Variants in RNF13 observed in about 807,000 individuals in gnomAD.
The protein encoded by RNF13 is ring finger protein 13.
Under a neutral mutation model 37.7 loss-of-function variants are expected in RNF13, and 19 were observed. That is an observed-to-expected ratio of 0.50 (90% confidence interval 0.35 to 0.74). The LOEUF (loss-of-function observed/expected upper bound fraction) is 0.74, where lower values mean the gene tolerates loss of function less well. Among genes scored for constraint, RNF13 ranks in the 30% least tolerant of loss-of-function variants. The pLI is 0.01. For synonymous variants in RNF13, 144 were observed against 157.8 expected (o/e 0.91, Z 0.65); for missense variants, 375 against 453.0 (o/e 0.83, Z 1.56).
intron 2 of RNF13, among the ~76,000 whole-genome samples, chr3:149,848,667 A>T (rs891589526): frequency 3.3e-5 from 5 of 152,140 alleles, no homozygotes; most frequent in African/African-American, 1.2e-4. Flanking sequence ...AGTTTTAGTT[A>T]TGCTATTTGT....
In RNF13 at chr3:149,869,621, T is replaced by C. The variant is rs1711779092; in HGVS notation, c.196-2408T>C. Among the ~76,000 whole-genome samples, 16 of 151,532 alleles carry C rather than the reference T, an allele frequency of 1.1e-4. No individual in the cohort carries two copies. The South Asian group carries it at 3.3e-3, about 32-fold the overall frequency. Reference sequence around the variant, plus strand: ...ACTCCGCCTCAGAAAAAAAAAAAAGTTCACATATTGCCATCTTGTTAGGGT... The same window carrying C: ...ACTCCGCCTCAGAAAAAAAAAAAAGCTCACATATTGCCATCTTGTTAGGGT... On this transcript the variant is annotated intron_variant, in intron 3 of 9. Transcript: ENST00000392894.
intron 1 of RNF13, among the ~76,000 whole-genome samples, chr3:149,814,821 A>T (rs997924361): frequency 6.6e-6 from 1 of 152,204 alleles, no homozygotes. Context: ...TGTTATGAGG[A>T]TTAAATGAAA....
chr3:149,960,139 ATGAG>A lies in RNF13; in HGVS notation c.781+5_781+8del. 6.3e-7 allele frequency: 1 copy of A among 1,575,700 alleles called. No homozygotes were observed. The highest frequency in any genetic ancestry group is 8.7e-7 in the Non-Finnish European group (1 of 1,145,474). On this transcript the variant is annotated splice_donor_5th_base_variant and intron_variant, in intron 9 of 9. Coordinates refer to ENST00000392894, the MANE Select transcript of RNF13 (RefSeq NM_183381.3). ...CAGAATCCTTCCCTGTTCCCATGGT[ATGAG>A]TAATTACGTACTGCTTTGAATTTAC...
At chr3:149,911,892 T>A in intron 6 of RNF13, 86 bp from the exon 7 acceptor site, 1 of 759,990 alleles carries the variant, frequency 1.3e-6, no homozygotes, top group Non-Finnish European at 2.3e-6. Context: ...TATGTCTGTT[T>A]TTAAAAATAT....
At position 149,961,130 on chromosome 3, in the gene RNF13, C is replaced by A. The variant is rs1193335323; in HGVS notation, c.*26C>A. 2 of 1,564,836 alleles carry A rather than the reference C, an allele frequency of 1.3e-6. No homozygotes were observed. Among genetic ancestry groups the A allele is most frequent in the South Asian group, 1.2e-5 (1 of 82,486 alleles). On this transcript the variant is annotated 3_prime_UTR_variant, in exon 10 of 10. Coordinates refer to ENST00000392894, the MANE Select transcript of RNF13 (RefSeq NM_183381.3). ...CTTTCAGAAGATGATTGGTTTATTT[C>A]CCTTTAAAATGATTAGGTATATACT...
intron 1 of RNF13, among the ~76,000 whole-genome samples, chr3:149,814,691 A>T (rs1719245435): frequency 1.3e-5 from 2 of 152,216 alleles, no homozygotes; most frequent in Non-Finnish European, 2.9e-5. Context: ...TGTAAAGTGT[A>T]TTATGGATTA....
chr3:149,934,028 G>A (rs537522008), intron 8 of RNF13, among the ~76,000 whole-genome samples: 3 of 152,134 alleles, frequency 2.0e-5, no homozygotes, highest in Admixed American at 6.5e-5. Flanking sequence ...TCTTTGATGG[G>A]AGACTTTTAA....
chr3:149,910,993 G>A (rs73870474), intron 6 of RNF13, among the ~76,000 whole-genome samples: 1,863 of 152,266 alleles, frequency 0.012, 37 homozygotes, highest in African/African-American at 0.043. Flanking sequence ...ATTAAGGCAT[G>A]TAGCATTTCC....
chr3:149,835,801 T>A (rs1043319610), intron 1 of RNF13, among the ~76,000 whole-genome samples: 10 of 152,116 alleles, frequency 6.6e-5, no homozygotes, highest in Admixed American at 2.0e-4. Context: ...ATCTTTTTTT[T>A]ATGACTTTTC....
chr3:149,864,757 A>G (rs1475696546), intron 3 of RNF13, among the ~76,000 whole-genome samples: 11 of 152,236 alleles, frequency 7.2e-5, no homozygotes, highest in African/African-American at 2.7e-4. Context: ...ATTGAGAACT[A>G]AATTTGATAA....
chr3:149,960,595 AAAAAAT>A lies in RNF13; in HGVS notation c.782-127_782-122del, dbSNP rs890266557. ...TGACAGAGCAAGACTCCATCTCAAA[AAAAAAT>A]AAAAATAAAAATAAAAAATAAACTT... is the stretch of plus-strand genomic sequence containing the variant. On this transcript the variant is annotated intron_variant, in intron 9 of 9. Coordinates refer to ENST00000392894, the MANE Select transcript of RNF13 (RefSeq NM_183381.3). The A allele has an allele frequency of 1.0e-4, 87 of 834,338 alleles. No individual in the cohort carries two copies. In the Admixed American group the frequency reaches 1.2e-3, roughly 11 times the overall value. 51.7% of individuals were successfully genotyped at this position (834,338 alleles called of 1,614,324 possible).
chr3:149,820,883 A>C (rs1719938026), intron 1 of RNF13, among the ~76,000 whole-genome samples: 2 of 152,204 alleles, frequency 1.3e-5, no homozygotes, highest in South Asian at 4.1e-4. Flanking sequence ...ATTTTATATA[A>C]ATTGAATTTT....
rs1049196304 is a variant in RNF13 at position 149,934,453 on chromosome 3, T to C, written c.700+13226T>C. ...GATTGTTCAGTTGTTTATATGAAGT[T>C]TTTCTCCTTTTTGATGGAGGATTAT... On this transcript the variant is annotated intron_variant, in intron 8 of 9. Transcript: ENST00000392894. 5.3e-5 allele frequency among the ~76,000 whole-genome samples: 8 copies of C among 152,214 alleles called. No homozygotes were observed. The South Asian group carries it at 1.7e-3, about 32-fold the overall frequency.
At chr3:149,944,591 C>A (rs1466045459) in intron 8 of RNF13, among the ~76,000 whole-genome samples, 3 of 152,216 alleles carry the variant, frequency 2.0e-5, no homozygotes, top group Non-Finnish European at 4.4e-5. Context: ...TGTCTGTTGG[C>A]TGCATCAATG....
At chr3:149,945,167 A>G (rs1445979403) in intron 8 of RNF13, among the ~76,000 whole-genome samples, 2 of 152,172 alleles carry the variant, frequency 1.3e-5, no homozygotes, top group African/African-American at 4.8e-5. Context: ...CCATTGGTCT[A>G]TATCTCTGTC....
chr3:149,898,775 T>C (rs186453241), intron 5 of RNF13, among the ~76,000 whole-genome samples: 1 of 152,224 alleles, frequency 6.6e-6, no homozygotes, highest in Admixed American at 6.5e-5. Flanking sequence ...AGATGTGCTA[T>C]AATGTCAAGT....
chr3:149,924,288 A>G (rs1003232926), intron 8 of RNF13, among the ~76,000 whole-genome samples: 1 of 152,184 alleles, frequency 6.6e-6, no homozygotes, highest in Non-Finnish European at 1.5e-5. Flanking sequence ...TCAGATGTCT[A>G]TTAGATGTTA....
intron 8 of RNF13, among the ~76,000 whole-genome samples, chr3:149,944,032 G>T (rs763539703): frequency 6.6e-6 from 1 of 151,894 alleles, no homozygotes; most frequent in Non-Finnish European, 1.5e-5. Context: ...TCATCATTCA[G>T]TTCCCACCTA....
intron 7 of RNF13, among the ~76,000 whole-genome samples, chr3:149,913,414 C>T (rs1048429285): frequency 1.3e-5 from 2 of 152,148 alleles, no homozygotes. Flanking sequence ...GTTCATCCGT[C>T]ATCTACTTTC....
Sources: allele counts gnomAD v4.1 joint callset (sites outside exome capture counted in the v4.1 genomes callset), GRCh38; gene constraint gnomAD v4.1.1; transcripts MANE v1.5; gene names NCBI Gene and HGNC (gene_info 2026-07-23, HGNC 2026-07-21).